Variants in PIAS4 observed in about 807,000 individuals in gnomAD.
The protein encoded by PIAS4 is protein inhibitor of activated STAT 4.
A neutral mutation model predicts 58.0 loss-of-function variants in PIAS4; 7 were observed. That is an observed-to-expected ratio of 0.12 (90% CI 0.07 to 0.23). The LOEUF (loss-of-function observed/expected upper bound fraction) is 0.23. Among genes scored for constraint, PIAS4 ranks in the 10% least tolerant of loss-of-function variants. The probability of loss-of-function intolerance (pLI) is 1.00; values close to 1 mark genes in which losing one functional copy is unlikely to be tolerated. For synonymous variants in PIAS4, 364 were observed against 312.4 expected, an observed-to-expected ratio of 1.17 and a Z score of -1.74; for missense variants, 550 against 709.5, an observed-to-expected ratio of 0.78 and a Z score of 2.55.
chr19:4,015,552 C>T (rs1323823951), intron 2 of PIAS4, among the ~76,000 whole-genome samples: 2 of 152,202 alleles, frequency 1.3e-5, no homozygotes, highest in African/African-American at 2.4e-5. Context: ...GGGGGACTCC[C>T]TGGGGGCCAC....
At chr19:4,032,522 A>G (rs1023309115) in intron 7 of PIAS4, among the ~76,000 whole-genome samples, 25 of 152,318 alleles carry the variant, frequency 1.6e-4, no homozygotes, top group Admixed American at 1.6e-3. Context: ...GCCTGCCTCC[A>G]AGACTTCATG....
At chr19:4,024,559 G>A (rs779298279) in intron 3 of PIAS4, among the ~76,000 whole-genome samples, 10 of 152,192 alleles carry the variant, frequency 6.6e-5, no homozygotes, top group Non-Finnish European at 1.0e-4. Flanking sequence ...GGGATTCCAC[G>A]TATCCCCAAG....
At chr19:4,029,531 G>A (rs1005829714) in intron 7 of PIAS4, among the ~76,000 whole-genome samples, 12 of 152,040 alleles carry the variant, frequency 7.9e-5, no homozygotes, top group Non-Finnish European at 1.2e-4. Context: ...GTGAGGCCCC[G>A]TTTAATCTTT....
intron 2 of PIAS4, among the ~76,000 whole-genome samples, chr19:4,021,577 C>T (rs1356268303): frequency 2.6e-5 from 4 of 152,036 alleles, no homozygotes; most frequent in African/African-American, 7.2e-5. Flanking sequence ...ATTTTCCTTC[C>T]TTGATGCTGA....
chr19:4,012,080 T>C (rs946093895), intron 1 of PIAS4, among the ~76,000 whole-genome samples: 1 of 149,378 alleles, frequency 6.7e-6, no homozygotes, highest in Non-Finnish European at 1.5e-5. Flanking sequence ...GGAGGTGTGT[T>C]TGGTTGTCGT....
At chr19:4,015,040 A>G (rs553669974) in intron 2 of PIAS4, among the ~76,000 whole-genome samples, 1 of 152,282 alleles carries the variant, frequency 6.6e-6, no homozygotes, top group Admixed American at 6.5e-5. Context: ...CTCTTGCAGG[A>G]GGTGTCTAGC....
rs539544762 is a variant in PIAS4, at chr19:4,022,655, C to T, written c.455-1381C>T. ...TGCTGGGATTACAGGCGTGAGCCAC[C>T]GCGCCTGGCCGTTTGTTTTTGTTTT... On this transcript the variant is annotated intron_variant, in intron 2 of 10. Transcript: ENST00000262971. 2.6e-4 allele frequency among the ~76,000 whole-genome samples: 39 copies of T among 151,826 alleles called. 1 individual carries two copies. Among genetic ancestry groups the T allele is most frequent in the South Asian group, 2.3e-3 (11 of 4,784 alleles).
chr19:4,024,225 G>A (rs760194954), intron 3 of PIAS4, 105 bp downstream of exon 3: 90 of 841,094 alleles, frequency 1.1e-4, no homozygotes, highest in Admixed American at 1.8e-4. Flanking sequence ...GGCCTCGCTC[G>A]GGCTCAGTCC....
chr19:4,014,858 T>G, intron 2 of PIAS4, among the ~76,000 whole-genome samples: 1 of 152,154 alleles, frequency 6.6e-6, no homozygotes, highest in East Asian at 1.9e-4. Flanking sequence ...TCCCCTCCCA[T>G]CTGCAGCCCT....
chr19:4,026,138 T>C (rs1446001771), intron 3 of PIAS4, among the ~76,000 whole-genome samples: 2 of 150,074 alleles, frequency 1.3e-5, no homozygotes, highest in African/African-American at 5.0e-5. Context: ...TCTTTTTCTT[T>C]TTCTTTTTTT....
chr19:4,024,355 A>G (rs1599224141), intron 3 of PIAS4, among the ~76,000 whole-genome samples: 3 of 152,184 alleles, frequency 2.0e-5, no homozygotes, highest in Admixed American at 2.0e-4. Flanking sequence ...AGAGAGGCGG[A>G]CTGACTGTGC....
chr19:4,026,840 A>C (rs2040169789), intron 3 of PIAS4, among the ~76,000 whole-genome samples: 1 of 151,146 alleles, frequency 6.6e-6, no homozygotes, highest in Non-Finnish European at 1.5e-5. Flanking sequence ...GCACCACCAC[A>C]CTCAGCTAAT....
intron 7 of PIAS4, 35 bp downstream of exon 7, chr19:4,029,071 C>T: frequency 6.7e-7 from 1 of 1,485,554 alleles, no homozygotes; most frequent in Non-Finnish European, 9.2e-7. Flanking sequence ...CGAGGGGTGC[C>T]AAGTCCACCC....
At chr19:4,032,248 C>T (rs145907236) in intron 7 of PIAS4, among the ~76,000 whole-genome samples, 44 of 152,298 alleles carry the variant, frequency 2.9e-4, no homozygotes, top group Non-Finnish European at 5.7e-4. Context: ...GACCCCAAGT[C>T]ACTTGGGCAG....
At chr19:4,022,318 C>G (rs1386786929) in intron 2 of PIAS4, among the ~76,000 whole-genome samples, 2 of 151,898 alleles carry the variant, frequency 1.3e-5, no homozygotes, top group East Asian at 3.9e-4. Context: ...TGTTGTTCAG[C>G]TAGAGTTTTG....
intron 2 of PIAS4, among the ~76,000 whole-genome samples, chr19:4,019,717 C>T (rs2040089849): frequency 6.6e-6 from 1 of 152,198 alleles, no homozygotes; most frequent in Non-Finnish European, 1.5e-5. Context: ...AGCCGGGACT[C>T]CACAGCCCAT....
At chr19:4,011,626 G>C (rs940355223) in intron 1 of PIAS4, among the ~76,000 whole-genome samples, 2 of 151,918 alleles carry the variant, frequency 1.3e-5, no homozygotes, top group East Asian at 3.9e-4. Context: ...TCAGGGCAAC[G>C]TGTGGAGGTG....
rs755412311 is a variant in PIAS4 at position 4,028,638 on chromosome 19, T to TG, written c.672+44dup. 7 of 1,608,584 alleles carry TG rather than the reference T, an allele frequency of 4.4e-6. No homozygotes were observed. The African/African-American group carries it at 8.0e-5, about 18-fold the overall frequency. ...CGCCCCCGCGTCGGCTGCACGGGTTTGGGGGGCGTGGAGGGAGGGTGGGGG... is the reference window on the plus strand; with the variant it reads ...CGCCCCCGCGTCGGCTGCACGGGTTTGGGGGGGCGTGGAGGGAGGGTGGGGG... On this transcript the variant is annotated intron_variant, in intron 5 of 10. Transcript: ENST00000262971.
chr19:4,013,420 C>A lies in PIAS4; in HGVS notation c.454+71C>A. 1 of 1,365,756 alleles carries A rather than the reference C, an allele frequency of 7.3e-7. No individual in the cohort carries two copies. The highest frequency in any genetic ancestry group is 1.0e-6 in the Non-Finnish European group (1 of 984,474). The allele number at this position is 1,365,756 out of a possible 1,614,324, so 84.6% of individuals were successfully genotyped here. On this transcript the variant is annotated intron_variant, in intron 2 of 10. Coordinates refer to ENST00000262971, the MANE Select transcript of PIAS4 (RefSeq NM_015897.4). This position sits in a 1 kb window ranked among gnomAD's most constrained non-coding sequence, Gnocchi z 5.1. ...GCCCCGTCGCCCAGCCCAGCCCAGC[C>A]ACACAGCCGACTTCGAGTGATGTTC...
Sources: allele counts gnomAD v4.1 joint callset (sites outside exome capture counted in the v4.1 genomes callset), GRCh38; gene constraint gnomAD v4.1.1; non-coding constraint Gnocchi (gnomAD v3.1); transcripts MANE v1.5; gene names NCBI Gene and HGNC (gene_info 2026-07-23, HGNC 2026-07-21).